The following ST6GALNAC3 variants were observed in gnomAD, a reference collection of about 807,000 sequenced individuals.
ST6GALNAC3 encodes the protein ST6 N-acetylgalactosaminide alpha-2,6-sialyltransferase 3, also known as alpha-N-acetylgalactosaminide alpha-2,6-sialyltransferase 3.
ST6GALNAC3 carries 25 observed loss-of-function variants against 32.7 expected under a neutral mutation model. The observed-to-expected ratio is 0.76, with a 90% CI of 0.56 to 1.07. The LOEUF is 1.07. Ranked by LOEUF, ST6GALNAC3 falls within the 50% of genes least tolerant of loss-of-function variation. The pLI is 0.00. For synonymous variants in ST6GALNAC3, 129 were observed against 133.1 expected, an observed-to-expected ratio of 0.97 and a Z score of 0.21; for missense variants, 355 against 382.4, an observed-to-expected ratio of 0.93 and a Z score of 0.60.
chr1:76,337,689 A>G lies in ST6GALNAC3; in HGVS notation c.213+23690A>G, dbSNP rs564549841. On this transcript the variant is annotated intron_variant, in intron 2 of 4. Coordinates refer to ENST00000328299, the MANE Select transcript of ST6GALNAC3 (RefSeq NM_152996.4). ...AGATCTGCATTTTAACAAGATCCCA[A>G]GGTTTATTTGCATATTTGAGAAGGC... 6.6e-5 allele frequency among the ~76,000 whole-genome samples: 10 copies of G among 152,250 alleles called. No homozygotes were observed. In the South Asian group the frequency reaches 1.0e-3, roughly 16 times the overall value.
intron 2 of ST6GALNAC3, among the ~76,000 whole-genome samples, chr1:76,383,743 G>C (rs1651892927): frequency 6.6e-6 from 1 of 152,120 alleles, no homozygotes; most frequent in Non-Finnish European, 1.5e-5. Context: ...AAAATACTAT[G>C]CATTAATAGC....
At chr1:76,339,138 A>G (rs1647748302) in intron 2 of ST6GALNAC3, among the ~76,000 whole-genome samples, 1 of 152,188 alleles carries the variant, frequency 6.6e-6, no homozygotes, top group Non-Finnish European at 1.5e-5. Flanking sequence ...AGGCAGTGTA[A>G]TGGCCCTCAA....
Position 76,412,135 on chromosome 1 carries a change from G to A in ST6GALNAC3, c.341G>A (p.Gly114Asp), listed in dbSNP as rs752102249. The change falls in exon 3 of 5, where the codon GGT becomes GAT. Residue 114 changes from glycine to aspartate, a missense_variant. By Grantham distance (94) the Gly-to-Asp change is moderately conservative (BLOSUM62 -1). Transcript: ENST00000328299. ...AGAATGAACAATGCCCCCACCAAAGGTTATGAAGAAGATGTCGGCCGCATG... is the reference window on the plus strand; with the variant it reads ...AGAATGAACAATGCCCCCACCAAAGATTATGAAGAAGATGTCGGCCGCATG... Reference protein sequence around the residue: ...IWRMNNAPTKGYEEDVGRMTM... With the variant: ...IWRMNNAPTKDYEEDVGRMTM... 1 of 1,613,746 alleles carries A rather than the reference G, an allele frequency of 6.2e-7. No individual in the cohort carries two copies. Among genetic ancestry groups the A allele is most frequent in the Admixed American group, 1.7e-5 (1 of 59,942 alleles).
intron 1 of ST6GALNAC3, among the ~76,000 whole-genome samples, chr1:76,162,429 T>C (rs1462103605): frequency 6.6e-6 from 1 of 152,244 alleles, no homozygotes; most frequent in East Asian, 1.9e-4. Context: ...ATTAATAACA[T>C]GGCCTTTGCT....
intron 1 of ST6GALNAC3, among the ~76,000 whole-genome samples, chr1:76,087,121 C>T (rs1646975068): frequency 6.6e-6 from 1 of 152,162 alleles, no homozygotes; most frequent in Non-Finnish European, 1.5e-5. Context: ...GCTGCTTAAC[C>T]TTAGAAGCCT....
intron 1 of ST6GALNAC3, among the ~76,000 whole-genome samples, chr1:76,276,005 G>T (rs189816491): frequency 7.2e-4 from 110 of 152,232 alleles, no homozygotes; most frequent in Middle Eastern, 3.4e-3. Flanking sequence ...GAAATAGCTA[G>T]CATTTCCAGG....
chr1:76,337,152 G>A lies in ST6GALNAC3; in HGVS notation c.213+23153G>A, dbSNP rs1038792007. Among the ~76,000 whole-genome samples the A allele has an allele frequency of 2.0e-5, 3 of 152,206 alleles. No homozygotes were observed. In the South Asian group the frequency reaches 6.2e-4, roughly 32 times the overall value. Reference sequence around the variant, plus strand: ...AGACTCTCTCATTTCTCCTAGATCCGCCCCCTCATGTTGCTTAAGCAAAAG... The same window carrying A: ...AGACTCTCTCATTTCTCCTAGATCCACCCCCTCATGTTGCTTAAGCAAAAG... On this transcript the variant is annotated intron_variant, in intron 2 of 4. Transcript: ENST00000328299.
chr1:76,134,395 C>T (rs1473369134), intron 1 of ST6GALNAC3, among the ~76,000 whole-genome samples: 2 of 152,176 alleles, frequency 1.3e-5, no homozygotes, highest in African/African-American at 4.8e-5. Context: ...TTTTCCAGGC[C>T]TGAAGCTCCT....
chr1:76,174,094 C>T (rs372977927), intron 1 of ST6GALNAC3, among the ~76,000 whole-genome samples: 122 of 152,094 alleles, frequency 8.0e-4, no homozygotes, highest in Non-Finnish European at 1.5e-3. Flanking sequence ...CCCAAATGCC[C>T]GTCAATGATA....
At chr1:76,423,163 CT>C (rs1557874260) in intron 3 of ST6GALNAC3, among the ~76,000 whole-genome samples, 1 of 152,032 alleles carries the variant, frequency 6.6e-6, no homozygotes, top group Non-Finnish European at 1.5e-5. Flanking sequence ...CAGATTAGCA[CT>C]GTTTGACAAC....
At chr1:76,537,322 G>A (rs1663674719) in intron 3 of ST6GALNAC3, among the ~76,000 whole-genome samples, 1 of 152,122 alleles carries the variant, frequency 6.6e-6, no homozygotes, top group Admixed American at 6.6e-5. Context: ...CATAGCTAAA[G>A]CAGTGTTAAG....
intron 1 of ST6GALNAC3, among the ~76,000 whole-genome samples, chr1:76,223,903 G>A (rs1331042630): frequency 1.3e-5 from 2 of 152,132 alleles, no homozygotes; most frequent in African/African-American, 4.8e-5. Context: ...CAGGAAACTG[G>A]TAAACTCTGA....
At chr1:76,257,771 G>A (rs1658000551) in intron 1 of ST6GALNAC3, among the ~76,000 whole-genome samples, 1 of 152,100 alleles carries the variant, frequency 6.6e-6, no homozygotes. Flanking sequence ...GAGAAAGACT[G>A]ACAAGTTATT....
chr1:76,361,514 G>A (rs1649934578), intron 2 of ST6GALNAC3, among the ~76,000 whole-genome samples: 1 of 151,902 alleles, frequency 6.6e-6, no homozygotes, highest in Non-Finnish European at 1.5e-5. Context: ...CTTGACTATT[G>A]TGAATTTCTT....
chr1:76,113,807 G>A (rs955670533), intron 1 of ST6GALNAC3, among the ~76,000 whole-genome samples: 4 of 151,782 alleles, frequency 2.6e-5, no homozygotes, highest in Admixed American at 1.3e-4. Flanking sequence ...GTGGAAGTTA[G>A]TTTTGGAAAT....
chr1:76,507,948 T>C (rs1192217990), intron 3 of ST6GALNAC3, among the ~76,000 whole-genome samples: 1 of 152,192 alleles, frequency 6.6e-6, no homozygotes, highest in African/African-American at 2.4e-5. Flanking sequence ...TGCTATTACT[T>C]GTCTTTTTTA....
chr1:76,095,920 C>T (rs758601169), intron 1 of ST6GALNAC3, among the ~76,000 whole-genome samples: 1 of 152,146 alleles, frequency 6.6e-6, no homozygotes, highest in Non-Finnish European at 1.5e-5. Flanking sequence ...GCCCTTTTAA[C>T]ATTCTGACAT....
intron 1 of ST6GALNAC3, among the ~76,000 whole-genome samples, chr1:76,100,617 T>C (rs1647202533): frequency 6.6e-6 from 1 of 152,220 alleles, no homozygotes; most frequent in African/African-American, 2.4e-5. Context: ...TCTATGTTCA[T>C]TAATGAATTA....
chr1:76,170,701 G>T (rs561826494), intron 1 of ST6GALNAC3, among the ~76,000 whole-genome samples: 1 of 152,112 alleles, frequency 6.6e-6, no homozygotes, highest in Non-Finnish European at 1.5e-5. Context: ...GATATACTCA[G>T]GACTGTGAAT....
Sources: allele counts gnomAD v4.1 joint callset (sites outside exome capture counted in the v4.1 genomes callset), GRCh38; gene constraint gnomAD v4.1.1; transcripts MANE v1.5; gene names NCBI Gene and HGNC (gene_info 2026-07-23, HGNC 2026-07-21).